Variants in SGIP1 observed in about 807,000 individuals in gnomAD.
SGIP1 encodes SH3-containing GRB2-like protein 3-interacting protein 1.
In SGIP1, 38 loss-of-function variants were observed where a neutral mutation model predicts 107.5. That is an observed-to-expected ratio of 0.35 (90% CI 0.27 to 0.46). The LOEUF (loss-of-function observed/expected upper bound fraction) is 0.46, where lower values mean the gene tolerates loss of function less well. Among genes scored for constraint, SGIP1 ranks in the 20% least tolerant of loss-of-function variants. The pLI is 1.00. For synonymous variants in SGIP1, 365 were observed against 366.1 expected (o/e 1.00, Z 0.03); for missense variants, 929 against 1,019.5 (o/e 0.91, Z 1.21).
intron 3 of SGIP1, among the ~76,000 whole-genome samples, 187 bp from the exon 4 acceptor site, chr1:66,635,757 C>A (rs2075651673): frequency 6.6e-6 from 1 of 152,150 alleles, no homozygotes; most frequent in African/African-American, 2.4e-5. Flanking sequence ...AATAGAGCCT[C>A]ATTATGGGCC....
intron 1 of SGIP1, among the ~76,000 whole-genome samples, chr1:66,607,296 T>C (rs1415167767): frequency 3.3e-5 from 5 of 152,190 alleles, no homozygotes; most frequent in African/African-American, 1.2e-4. Context: ...GACTTGGAGT[T>C]TTATCACCCA....
At chr1:66,539,849 C>T (rs908989864) in intron 1 of SGIP1, among the ~76,000 whole-genome samples, 1 of 152,038 alleles carries the variant, frequency 6.6e-6, no homozygotes, top group Admixed American at 6.6e-5. Flanking sequence ...CATCTCAGCC[C>T]GCTCTCTCTC....
chr1:66,635,304 G>A (rs1236633148), intron 3 of SGIP1, among the ~76,000 whole-genome samples: 1 of 152,226 alleles, frequency 6.6e-6, no homozygotes, highest in African/African-American at 2.4e-5. Flanking sequence ...CTGTCATGGT[G>A]TCCGAGTGTG....
In SGIP1 at chr1:66,733,116, T is replaced by C. The variant is rs117947253; in HGVS notation, c.1899-632T>C. Among the ~76,000 whole-genome samples, 274 of 152,360 alleles carry C rather than the reference T, an allele frequency of 1.8e-3. 1 individual carries two copies. Among genetic ancestry groups the C allele is most frequent in the East Asian group, 8.9e-3 (46 of 5,194 alleles). On this transcript the variant is annotated intron_variant, in intron 20 of 24. Transcript: ENST00000371037. Reference sequence around the variant, plus strand: ...AAAACTTCTTAGCTTATAGAGACTCTGCTCTTCTTCTGTATTATAACTACC... The same window carrying C: ...AAAACTTCTTAGCTTATAGAGACTCCGCTCTTCTTCTGTATTATAACTACC...
At chr1:66,686,230 G>C (rs571327751) in intron 15 of SGIP1, among the ~76,000 whole-genome samples, 2 of 152,230 alleles carry the variant, frequency 1.3e-5, no homozygotes, top group East Asian at 3.9e-4. Context: ...TGCTTCCACT[G>C]CTCCAGCCCA....
intron 7 of SGIP1, among the ~76,000 whole-genome samples, chr1:66,656,382 G>A (rs2079782155): frequency 6.6e-6 from 1 of 152,176 alleles, no homozygotes; most frequent in Non-Finnish European, 1.5e-5. Context: ...TACTCAAAAA[G>A]TAACAATAAA....
Position 66,740,642 on chromosome 1 carries a change from C to T in SGIP1, c.2235-16C>T, listed in dbSNP as rs1475927400. ...CTCTTGGATATGCAAAAACCTTTTACCTAATTTATTTTTAGGAATGCTGAA... is the reference window on the plus strand; with the variant it reads ...CTCTTGGATATGCAAAAACCTTTTATCTAATTTATTTTTAGGAATGCTGAA... On this transcript the variant is annotated splice_polypyrimidine_tract_variant and intron_variant, in intron 22 of 24. Coordinates refer to ENST00000371037, the MANE Select transcript of SGIP1 (RefSeq NM_032291.4). 1 of 1,572,624 alleles carries T rather than the reference C, an allele frequency of 6.4e-7. No homozygotes were observed. Among genetic ancestry groups the T allele is most frequent in the African/African-American group, 1.4e-5 (1 of 73,586 alleles).
rs182373178 is a variant in SGIP1, at chr1:66,567,575, G to T, written c.10+33207G>T. ...TTGGCATTTTCATCATGAAATCTTT[G>T]CCTATGCCTATGTTCTGAATAGTAT... is the stretch of plus-strand genomic sequence containing the variant. On this transcript the variant is annotated intron_variant, in intron 1 of 24. Coordinates refer to ENST00000371037, the MANE Select transcript of SGIP1 (RefSeq NM_032291.4). 7.6e-3 allele frequency among the ~76,000 whole-genome samples: 1,151 copies of T among 152,108 alleles called. 13 individuals carry two copies. Among genetic ancestry groups the T allele is most frequent in the African/African-American group, 0.026 (1,068 of 41,496 alleles).
intron 19 of SGIP1, among the ~76,000 whole-genome samples, chr1:66,721,717 C>T (rs1000243783): frequency 6.6e-6 from 1 of 151,950 alleles, no homozygotes; most frequent in Non-Finnish European, 1.5e-5. Flanking sequence ...CCAGAATTGC[C>T]CTTTTGAAAA....
intron 20 of SGIP1, among the ~76,000 whole-genome samples, chr1:66,730,321 A>G (rs773515292): frequency 6.6e-6 from 1 of 152,160 alleles, no homozygotes; most frequent in Non-Finnish European, 1.5e-5. Flanking sequence ...TGATGTCTTT[A>G]TTATGCATAT....
intron 18 of SGIP1, among the ~76,000 whole-genome samples, chr1:66,715,215 G>C (rs367638926): frequency 3.3e-5 from 5 of 152,112 alleles, no homozygotes; most frequent in African/African-American, 7.2e-5. Context: ...ACAAATAGTT[G>C]TGGAAAATGA....
At chr1:66,743,031 G>T in intron 24 of SGIP1, 42 bp from the exon 25 acceptor site, 1 of 1,611,066 alleles carries the variant, frequency 6.2e-7, no homozygotes, top group South Asian at 1.1e-5. Flanking sequence ...TTACATTATT[G>T]AACTACCAGA....
At chr1:66,655,665 G>A (rs922200847) in intron 7 of SGIP1, among the ~76,000 whole-genome samples, 2 of 152,158 alleles carry the variant, frequency 1.3e-5, no homozygotes, top group African/African-American at 4.8e-5. Flanking sequence ...GAATACCATA[G>A]GCAAATGTAA....
intron 18 of SGIP1, chr1:66,704,584 A>G (rs1324026598): frequency 6.6e-6 from 1 of 152,200 alleles, no homozygotes; most frequent in Non-Finnish European, 1.5e-5. Context: ...TCCAGGGGGA[A>G]ACTGCTTCAT....
chr1:66,673,160 C>A (rs1419722221), intron 11 of SGIP1, 121 bp from the exon 12 acceptor site: 2 of 928,264 alleles, frequency 2.2e-6, no homozygotes, highest in Non-Finnish European at 3.5e-6. Flanking sequence ...CACATGCATG[C>A]ATGCACTGGT....
chr1:66,696,386 A>G (rs2090928534), intron 18 of SGIP1, among the ~76,000 whole-genome samples: 1 of 152,210 alleles, frequency 6.6e-6, no homozygotes, highest in African/African-American at 2.4e-5. Flanking sequence ...CCCAGGATCA[A>G]AAGTTGGCCA....
chr1:66,661,615 A>G (rs575988982), intron 8 of SGIP1, among the ~76,000 whole-genome samples: 1 of 152,356 alleles, frequency 6.6e-6, no homozygotes, highest in South Asian at 2.1e-4. Context: ...AGTAATTCAG[A>G]GTCAACTATG....
At position 66,635,993 on chromosome 1, in the gene SGIP1, G is replaced by A. The variant is rs143844959; in HGVS notation, c.149G>A (p.Arg50His). ...TACAATAGCAAAGCAGAGTGTGCGCGTGAAGGAGGAAAAAAAGTTTCGGTA... is the reference window on the plus strand; with the variant it reads ...TACAATAGCAAAGCAGAGTGTGCGCATGAAGGAGGAAAAAAAGTTTCGGTA... ...PPYNSKAECA[R>H]EGGKKVSKKS... is the part of the protein sequence containing the mutation. The change falls in exon 4 of 25, where the codon CGT (arginine) becomes CAT (histidine). Residue 50 changes from arginine to histidine, a missense_variant. Physicochemically the swap from Arg to His is conservative, Grantham distance 29. Around this residue, in one of 2 missense-constraint regions of SGIP1, gnomAD observed 588 missense variants for 588.6 expected, o/e 1.00. Coordinates refer to ENST00000371037, the MANE Select transcript of SGIP1 (RefSeq NM_032291.4). 2.1e-4 allele frequency: 331 copies of A among 1,613,762 alleles called. 1 individual carries two copies. The highest frequency in any genetic ancestry group is 2.7e-4 in the Non-Finnish European group (314 of 1,179,838).
intron 18 of SGIP1, among the ~76,000 whole-genome samples, chr1:66,701,174 C>T (rs2091852802): frequency 6.6e-6 from 1 of 152,106 alleles, no homozygotes; most frequent in African/African-American, 2.4e-5. Flanking sequence ...TTCTCACATG[C>T]AGCCACAAAG....
Sources: gnomAD v4.1 joint callset for allele counts (sites outside exome capture counted in the v4.1 genomes callset) on GRCh38, gnomAD v4.1.1 for gene constraint, gnomAD v4.1.1 regional missense constraint, MANE v1.5 for transcripts, NCBI Gene and HGNC (gene_info 2026-07-23, HGNC 2026-07-21) for gene names.